The following RUNDC3B variants were observed in gnomAD, a reference collection of about 807,000 sequenced individuals.
The protein encoded by RUNDC3B is RUN domain-containing protein 3B.
RUNDC3B carries 33 observed loss-of-function variants against 58.4 expected under a neutral mutation model. That is an observed-to-expected ratio of 0.56 (90% CI 0.43 to 0.75). The LOEUF (loss-of-function observed/expected upper bound fraction) is 0.75, where lower values mean the gene tolerates loss of function less well. Ranked by LOEUF, RUNDC3B falls within the 30% of genes least tolerant of loss-of-function variation. The pLI is 0.00. For missense variants in RUNDC3B, 501 were observed against 535.7 expected (o/e 0.94, Z 0.64); for synonymous variants, 193 against 195.2 (o/e 0.99, Z 0.10).
At chr7:87,654,003 A>G (rs904506338) in intron 2 of RUNDC3B, among the ~76,000 whole-genome samples, 3 of 152,046 alleles carry the variant, frequency 2.0e-5, no homozygotes, top group Admixed American at 2.0e-4. Context: ...TATTTCTCTA[A>G]GTTAGTTTGC....
rs559433141 is a variant in RUNDC3B at position 87,703,101 on chromosome 7, G to A, written c.372+2547G>A. 2.0e-5 allele frequency among the ~76,000 whole-genome samples: 3 copies of A among 152,016 alleles called. No homozygotes were observed. The South Asian group carries it at 6.3e-4, about 32-fold the overall frequency. On this transcript the variant is annotated intron_variant, in intron 3 of 10. Transcript: ENST00000394654. ...AAGTAGAAAATAAAGATTGAAAATT[G>A]ATATTTACAGTTTTAAGATGAAGAC...
intron 4 of RUNDC3B, among the ~76,000 whole-genome samples, chr7:87,729,901 T>C (rs1388654125): frequency 1.3e-5 from 2 of 152,044 alleles, no homozygotes; most frequent in Non-Finnish European, 2.9e-5. Flanking sequence ...TACGGAAGAA[T>C]AGGGTATCAG....
At chr7:87,814,748 G>C (rs924265194) in intron 9 of RUNDC3B, among the ~76,000 whole-genome samples, 11 of 152,090 alleles carry the variant, frequency 7.2e-5, no homozygotes, top group African/African-American at 2.7e-4. Flanking sequence ...AGAATTTTCT[G>C]GTAGTTAAAA....
chr7:87,810,413 A>G (rs1176534064), intron 9 of RUNDC3B, among the ~76,000 whole-genome samples: 1 of 152,170 alleles, frequency 6.6e-6, no homozygotes, highest in Non-Finnish European at 1.5e-5. Flanking sequence ...AGCTGTTTGT[A>G]ACTAGCTGAA....
chr7:87,799,966 C>T (rs1323392759), intron 8 of RUNDC3B, among the ~76,000 whole-genome samples: 1 of 151,810 alleles, frequency 6.6e-6, no homozygotes, highest in Non-Finnish European at 1.5e-5. Flanking sequence ...TGCTATATTG[C>T]TGATGCTAGT....
intron 4 of RUNDC3B, 144 bp from the exon 5 acceptor site, chr7:87,739,647 A>G (rs958518548): frequency 2.5e-6 from 1 of 403,204 alleles, no homozygotes; most frequent in Non-Finnish European, 4.4e-6. Flanking sequence ...TCAAAACTTC[A>G]GTGATGGAAA....
At chr7:87,750,003 T>A (rs749038665) in intron 6 of RUNDC3B, among the ~76,000 whole-genome samples, 4 of 152,238 alleles carry the variant, frequency 2.6e-5, no homozygotes, top group Middle Eastern at 6.8e-3. Flanking sequence ...GCATTAGGTA[T>A]ATCTCCCAAT....
At chr7:87,660,161 C>T (rs182480682) in intron 2 of RUNDC3B, among the ~76,000 whole-genome samples, 9 of 151,882 alleles carry the variant, frequency 5.9e-5, no homozygotes, top group Admixed American at 5.9e-4. Context: ...GAGAATTTTG[C>T]GTAAGTTTGG....
At chr7:87,723,384 A>G (rs1048080480) in intron 4 of RUNDC3B, among the ~76,000 whole-genome samples, 21 of 152,332 alleles carry the variant, frequency 1.4e-4, no homozygotes, top group African/African-American at 4.8e-4. Context: ...TAATAACAAT[A>G]TCCTCCATCA....
chr7:87,721,563 G>T (rs1259344912), intron 4 of RUNDC3B, among the ~76,000 whole-genome samples: 1 of 152,090 alleles, frequency 6.6e-6, no homozygotes, highest in African/African-American at 2.4e-5. Context: ...GCTAAAGCAT[G>T]AGGACTACAT....
At chr7:87,678,027 C>A (rs1826553916) in intron 2 of RUNDC3B, among the ~76,000 whole-genome samples, 1 of 152,134 alleles carries the variant, frequency 6.6e-6, no homozygotes. Context: ...CAAATCTGGT[C>A]TAAAAGAAAT....
intron 2 of RUNDC3B, among the ~76,000 whole-genome samples, chr7:87,657,803 A>T (rs1377824390): frequency 6.6e-6 from 1 of 152,142 alleles, no homozygotes; most frequent in Non-Finnish European, 1.5e-5. Flanking sequence ...AGTCCCACAC[A>T]GTAGTAATGA....
intron 4 of RUNDC3B, among the ~76,000 whole-genome samples, chr7:87,738,107 G>A (rs1330378474): frequency 6.6e-6 from 1 of 151,996 alleles, no homozygotes; most frequent in Non-Finnish European, 1.5e-5. Context: ...TATATAAGAA[G>A]TACTAGGAAT....
chr7:87,739,095 T>C (rs1832163998), intron 4 of RUNDC3B, among the ~76,000 whole-genome samples: 1 of 151,920 alleles, frequency 6.6e-6, no homozygotes, highest in African/African-American at 2.4e-5. Flanking sequence ...AAAAATACCT[T>C]AGGGCCACAT....
intron 1 of RUNDC3B, among the ~76,000 whole-genome samples, chr7:87,644,085 C>T (rs1328748926): frequency 1.3e-5 from 2 of 152,180 alleles, no homozygotes; most frequent in Non-Finnish European, 2.9e-5. Flanking sequence ...TCTCAAACTC[C>T]TGACCTCAGG....
intron 3 of RUNDC3B, among the ~76,000 whole-genome samples, chr7:87,710,250 G>A (rs904414681): frequency 6.6e-6 from 1 of 152,114 alleles, no homozygotes; most frequent in Non-Finnish European, 1.5e-5. Context: ...CGGTATTGAA[G>A]TAGAGAGTTA....
chr7:87,655,046 A>G (rs1352648342), intron 2 of RUNDC3B, among the ~76,000 whole-genome samples: 2 of 152,150 alleles, frequency 1.3e-5, no homozygotes, highest in Non-Finnish European at 2.9e-5. Flanking sequence ...AGTGCTGGAG[A>G]AGATGTGGAG....
chr7:87,725,829 C>G (rs1831195520), intron 4 of RUNDC3B, among the ~76,000 whole-genome samples: 1 of 152,204 alleles, frequency 6.6e-6, no homozygotes, highest in African/African-American at 2.4e-5. Context: ...ATTTGCATTT[C>G]TCTGATGGCC....
intron 6 of RUNDC3B, among the ~76,000 whole-genome samples, chr7:87,767,792 C>A (rs1453250157): frequency 6.6e-6 from 1 of 152,130 alleles, no homozygotes; most frequent in Non-Finnish European, 1.5e-5. Context: ...AGGACTGCAT[C>A]AGCTCCTTGT....
Sources: allele counts gnomAD v4.1 joint callset (sites outside exome capture counted in the v4.1 genomes callset), GRCh38; gene constraint gnomAD v4.1.1; transcripts MANE v1.5; gene names NCBI Gene and HGNC (gene_info 2026-07-23, HGNC 2026-07-21).